DNAH12: variants seen among roughly 807,000 people sequenced by gnomAD.
DNAH12 encodes the protein dynein axonemal heavy chain 12.
A neutral mutation model predicts 371.5 loss-of-function variants in DNAH12; 285 were observed. The ratio of observed to expected loss-of-function variants is 0.77; its 90% CI spans 0.70 to 0.85. The LOEUF is 0.85. DNAH12 is among the 40% of genes least tolerant of loss of function. DNAH12 has a pLI of 0.00. For synonymous variants in DNAH12, 1,200 were observed against 1,213.0 expected (o/e 0.99, Z 0.22); for missense variants, 3,611 against 3,689.4 (o/e 0.98, Z 0.55).
Position 57,433,696 on chromosome 3 carries a change from T to C in DNAH12, c.4788A>G (p.Lys1596=), listed in dbSNP as rs575720868. ...CAAAAAGTTGGCCCATAGTAATAGA[T>C]TTGGGGTTTACAGTTCTATAAATGA... is the stretch of plus-strand genomic sequence containing the variant. ...EKVIYRTVNP[K]SITMGQLFGQ... is the part of the protein sequence containing the mutation. Residue 1596 remains lysine, a synonymous_variant, in exon 31 of 74, where the codon AAA becomes AAG. Coordinates refer to ENST00000495027, the MANE Select transcript of DNAH12 (RefSeq NM_001366028.2). 50 of 1,551,130 alleles carry C rather than the reference T, an allele frequency of 3.2e-5. No homozygotes were observed. In the South Asian group the frequency reaches 5.0e-4, roughly 16 times the overall value.
chr3:57,335,199 A>G (rs951341234), intron 60 of DNAH12, among the ~76,000 whole-genome samples: 1 of 152,224 alleles, frequency 6.6e-6, no homozygotes, highest in Admixed American at 6.5e-5. Context: ...GGCACTTTCT[A>G]GACTACAGAG....
chr3:57,519,480 T>A (rs912274240), intron 4 of DNAH12, among the ~76,000 whole-genome samples: 3 of 152,184 alleles, frequency 2.0e-5, no homozygotes, highest in Non-Finnish European at 4.4e-5. Flanking sequence ...TTCTTAATTG[T>A]AGAGAATTTC....
intron 25 of DNAH12, among the ~76,000 whole-genome samples, chr3:57,451,352 C>T (rs144145544): frequency 1.8e-4 from 28 of 152,248 alleles, no homozygotes; most frequent in African/African-American, 5.8e-4. Context: ...AGATAACGGC[C>T]GGGCCCAGTG....
Position 57,466,486 on chromosome 3 carries a change from C to T in DNAH12, c.2349+2250G>A, listed in dbSNP as rs542791366. Among the ~76,000 whole-genome samples, 5 of 152,274 alleles carry T rather than the reference C, an allele frequency of 3.3e-5. No individual in the cohort carries two copies. In the East Asian group the frequency reaches 9.7e-4, roughly 29 times the overall value. On this transcript the variant is annotated intron_variant, in intron 17 of 73. Transcript: ENST00000495027. ...CATAGACAGGAACAATGCTTGAATC[C>T]AATCACAGAGTTTGCACTCTGGGCA...
intron 47 of DNAH12, among the ~76,000 whole-genome samples, chr3:57,385,834 T>C (rs1204959248): frequency 4.6e-5 from 7 of 152,002 alleles, no homozygotes; most frequent in African/African-American, 1.2e-4. Flanking sequence ...TGAGCCGAGA[T>C]TGCACCATTG....
chr3:57,361,442 C>CTATATATAT (rs1363525166), intron 58 of DNAH12, among the ~76,000 whole-genome samples: 5 of 107,760 alleles, frequency 4.6e-5, no homozygotes, highest in Non-Finnish European at 7.0e-5. Flanking sequence ...TACACACACA[C>CTATATATAT]ACTATATATA....
intron 73 of DNAH12, among the ~76,000 whole-genome samples, chr3:57,294,789 C>A (rs537574576): frequency 6.6e-6 from 1 of 152,052 alleles, no homozygotes; most frequent in Non-Finnish European, 1.5e-5. Context: ...ATATACAATC[C>A]CCAAAAAGCC....
intron 55 of DNAH12, among the ~76,000 whole-genome samples, chr3:57,374,297 C>T (rs2063236837): frequency 6.6e-6 from 1 of 152,142 alleles, no homozygotes; most frequent in Non-Finnish European, 1.5e-5. Context: ...ATGTAGGGCA[C>T]TTAGACTAGT....
intron 60 of DNAH12, among the ~76,000 whole-genome samples, chr3:57,342,482 T>TAG (rs2062424440): frequency 4.9e-5 from 1 of 20,380 alleles, no homozygotes; most frequent in Non-Finnish European, 9.5e-5. Context: ...CTACTAAAAA[T>TAG]ACAAAAAAAA....
intron 65 of DNAH12, among the ~76,000 whole-genome samples, chr3:57,318,994 T>C (rs1275249175): frequency 6.6e-6 from 1 of 152,176 alleles, no homozygotes; most frequent in African/African-American, 2.4e-5. Context: ...AGTCTTCCAA[T>C]CCATGAACAT....
intron 11 of DNAH12, among the ~76,000 whole-genome samples, chr3:57,498,748 C>T (rs146866475): frequency 0.024 from 3,642 of 152,062 alleles, 64 homozygotes; most frequent in Non-Finnish European, 0.034. Context: ...ACCTGTAATC[C>T]CAGCATTTTG....
intron 59 of DNAH12, among the ~76,000 whole-genome samples, chr3:57,353,105 T>C (rs1325512892): frequency 6.6e-6 from 1 of 151,094 alleles, no homozygotes; most frequent in Non-Finnish European, 1.5e-5. Flanking sequence ...ATAAAATGCA[T>C]AAAAAGTCAG....
At chr3:57,367,429 A>G (rs2063075347) in intron 56 of DNAH12, among the ~76,000 whole-genome samples, 4 of 152,066 alleles carry the variant, frequency 2.6e-5, no homozygotes, top group Admixed American at 2.6e-4. Context: ...AATATAGGAC[A>G]TTTTCTCTGG....
At chr3:57,499,234 G>C (rs999597548) in intron 11 of DNAH12, among the ~76,000 whole-genome samples, 1 of 152,052 alleles carries the variant, frequency 6.6e-6, no homozygotes, top group Non-Finnish European at 1.5e-5. Context: ...TGACCAGGAT[G>C]GGGTATAAGG....
chr3:57,380,891 G>A (rs988622417), intron 50 of DNAH12, among the ~76,000 whole-genome samples: 2 of 152,028 alleles, frequency 1.3e-5, no homozygotes, highest in African/African-American at 4.8e-5. Context: ...GTTTAAAAAA[G>A]TAAACACTGA....
chr3:57,339,927 C>T (rs2062351718), intron 60 of DNAH12, among the ~76,000 whole-genome samples: 1 of 151,994 alleles, frequency 6.6e-6, no homozygotes, highest in African/African-American at 2.4e-5. Flanking sequence ...AAAAATTAGC[C>T]AAGTGTGGTG....
intron 65 of DNAH12, among the ~76,000 whole-genome samples, chr3:57,315,134 A>G (rs2061659181): frequency 6.6e-6 from 1 of 152,032 alleles, no homozygotes; most frequent in Non-Finnish European, 1.5e-5. Flanking sequence ...TGTGATATGC[A>G]TGTCACATGG....
chr3:57,388,539 A>T (rs2063541823), intron 45 of DNAH12, among the ~76,000 whole-genome samples: 1 of 125,338 alleles, frequency 8.0e-6, no homozygotes, highest in East Asian at 2.3e-4. Context: ...ATGTGATCCA[A>T]TTGTACCAAT....
chr3:57,385,117 A>G (rs2153345001), intron 48 of DNAH12, 112 bp from the exon 49 acceptor site: 1 of 152,340 alleles, frequency 6.6e-6, no homozygotes, highest in East Asian at 1.9e-4. Context: ...TGAAGGATAG[A>G]AGGGTCTATA....
Sources: allele counts gnomAD v4.1 joint callset (sites outside exome capture counted in the v4.1 genomes callset), GRCh38; gene constraint gnomAD v4.1.1; transcripts MANE v1.5; gene names NCBI Gene and HGNC (gene_info 2026-07-23, HGNC 2026-07-21).